RNF13: variants seen among roughly 807,000 people sequenced by gnomAD.
The protein encoded by RNF13 is ring finger protein 13.
RNF13 carries 19 observed loss-of-function variants against 37.7 expected under a neutral mutation model. That is an observed-to-expected ratio of 0.50 (90% CI 0.35 to 0.74). The LOEUF is 0.74. RNF13 is among the 30% of genes least tolerant of loss of function. The pLI is 0.01. For missense variants in RNF13, 375 were observed against 453.0 expected, an observed-to-expected ratio of 0.83 and a Z score of 1.56; for synonymous variants, 144 against 157.8, an observed-to-expected ratio of 0.91 and a Z score of 0.65.
At chr3:149,934,043 TGTTTCA>T (rs1719442678) in intron 8 of RNF13, among the ~76,000 whole-genome samples, 1 of 152,224 alleles carries the variant, frequency 6.6e-6, no homozygotes, top group African/African-American at 2.4e-5. Context: ...TTTTAATTAC[TGTTTCA>T]GTTTCATTAC....
intron 8 of RNF13, among the ~76,000 whole-genome samples, chr3:149,927,556 C>T (rs958215238): frequency 3.3e-5 from 5 of 152,218 alleles, no homozygotes; most frequent in African/African-American, 1.2e-4. Flanking sequence ...TCCACAGTTA[C>T]TGTACCATTT....
At chr3:149,852,201 G>A (rs1216889240) in intron 2 of RNF13, among the ~76,000 whole-genome samples, 1 of 152,104 alleles carries the variant, frequency 6.6e-6, no homozygotes, top group Non-Finnish European at 1.5e-5. Context: ...ACTCCTCCTG[G>A]AAGATGATCT....
chr3:149,954,294 A>G (rs554856013), intron 8 of RNF13, among the ~76,000 whole-genome samples: 1 of 152,254 alleles, frequency 6.6e-6, no homozygotes, highest in East Asian at 1.9e-4. Flanking sequence ...GGTACTTTTC[A>G]TACCAGTGAT....
chr3:149,910,207 C>T (rs992585230), intron 6 of RNF13, among the ~76,000 whole-genome samples: 2 of 152,098 alleles, frequency 1.3e-5, no homozygotes, highest in Non-Finnish European at 2.9e-5. Context: ...ATATTAATTG[C>T]GGAGCTGGCT....
chr3:149,930,838 T>G (rs552934600), intron 8 of RNF13, among the ~76,000 whole-genome samples: 40 of 152,336 alleles, frequency 2.6e-4, no homozygotes, highest in Middle Eastern at 6.8e-3. Flanking sequence ...TTACCAGATT[T>G]GTAGGCATAG....
chr3:149,926,032 C>G (rs1250541202), intron 8 of RNF13, among the ~76,000 whole-genome samples: 1 of 152,110 alleles, frequency 6.6e-6, no homozygotes. Flanking sequence ...GATATATGCC[C>G]GTGTGTCTGT....
At chr3:149,892,596 T>C (rs1714832327) in intron 4 of RNF13, among the ~76,000 whole-genome samples, 1 of 152,140 alleles carries the variant, frequency 6.6e-6, no homozygotes, top group East Asian at 1.9e-4. Context: ...CCGGCAAGCA[T>C]TACTGCCTGA....
intron 3 of RNF13, among the ~76,000 whole-genome samples, chr3:149,860,905 A>G (rs2108414061): frequency 6.6e-6 from 1 of 152,314 alleles, no homozygotes; most frequent in East Asian, 1.9e-4. Flanking sequence ...GAATTTGAAC[A>G]TCTCAGCAGC....
chr3:149,905,958 C>T (rs144197816), intron 6 of RNF13, among the ~76,000 whole-genome samples: 166 of 152,204 alleles, frequency 1.1e-3, no homozygotes, highest in African/African-American at 4.0e-3. Flanking sequence ...AAGTAGAAAC[C>T]CCGTACACAT....
intron 4 of RNF13, among the ~76,000 whole-genome samples, chr3:149,891,556 G>A (rs1714697361): frequency 6.6e-6 from 1 of 152,258 alleles, no homozygotes; most frequent in Admixed American, 6.5e-5. Flanking sequence ...GGTGCCACCT[G>A]GTCTATGTAA....
At chr3:149,931,798 TCTAA>T (rs1313373927) in intron 8 of RNF13, among the ~76,000 whole-genome samples, 1 of 152,174 alleles carries the variant, frequency 6.6e-6, no homozygotes, top group Non-Finnish European at 1.5e-5. Context: ...ACTTATTCCT[TCTAA>T]CTGTTTTTGT....
At chr3:149,921,995 A>T (rs541906320) in intron 8 of RNF13, among the ~76,000 whole-genome samples, 1 of 151,430 alleles carries the variant, frequency 6.6e-6, no homozygotes, top group Non-Finnish European at 1.5e-5. Flanking sequence ...TTCTTTTGAG[A>T]CGGAGTCTCA....
Position 149,961,924 on chromosome 3 carries a change from T to C in RNF13, c.*820T>C, listed in dbSNP as rs1345693720. ...CTGCTAAACTATGTACAGAGGAAAC[T>C]GTTCAAGTATTGGATTTGAAAGTAA... On this transcript the variant is annotated 3_prime_UTR_variant, in exon 10 of 10. Transcript: ENST00000392894. The C allele has an allele frequency of 2.0e-5, 3 of 152,696 alleles. No homozygotes were observed. The highest frequency in any genetic ancestry group is 4.4e-5 in the Non-Finnish European group (3 of 68,058). The allele number at this position is 152,696 out of a possible 1,614,324, so 9.5% of individuals were successfully genotyped here. A position where few individuals can be genotyped will look rare whatever the true frequency, so the allele number is the denominator to read the frequency against.
At chr3:149,957,249 T>C (rs1221754323) in intron 8 of RNF13, among the ~76,000 whole-genome samples, 1 of 152,228 alleles carries the variant, frequency 6.6e-6, no homozygotes, top group Non-Finnish European at 1.5e-5. Flanking sequence ...AAGCATTTTC[T>C]ACCATTTTTA....
At chr3:149,821,781 A>ATTTT (rs1720017982) in intron 1 of RNF13, among the ~76,000 whole-genome samples, 1 of 152,070 alleles carries the variant, frequency 6.6e-6, no homozygotes, top group Admixed American at 6.6e-5. Flanking sequence ...AGAGTTTTAT[A>ATTTT]ATTTTACTCC....
intron 6 of RNF13, among the ~76,000 whole-genome samples, chr3:149,909,216 G>A (rs1248293561): frequency 6.6e-6 from 1 of 151,304 alleles, no homozygotes; most frequent in Non-Finnish European, 1.5e-5. Flanking sequence ...TTAGCAATTT[G>A]GTTAAGAAAA....
chr3:149,951,628 G>A (rs115729567), intron 8 of RNF13, among the ~76,000 whole-genome samples: 2,652 of 152,126 alleles, frequency 0.017, 30 homozygotes, highest in Middle Eastern at 0.034. Flanking sequence ...GTACCAAATG[G>A]GTTATTTAGA....
intron 1 of RNF13, chr3:149,814,376 T>A (rs1204111420): frequency 1.3e-5 from 2 of 152,212 alleles, no homozygotes; most frequent in Non-Finnish European, 2.9e-5. Flanking sequence ...AGTTTTTTAA[T>A]GGGTGGACAT....
At chr3:149,955,983 T>A (rs1240518146) in intron 8 of RNF13, among the ~76,000 whole-genome samples, 2 of 152,110 alleles carry the variant, frequency 1.3e-5, no homozygotes, top group Non-Finnish European at 2.9e-5. Context: ...CAAATTCAGG[T>A]CCCCATCTAA....
Sources: allele counts gnomAD v4.1 joint callset (sites outside exome capture counted in the v4.1 genomes callset), GRCh38; gene constraint gnomAD v4.1.1; transcripts MANE v1.5; gene names NCBI Gene and HGNC (gene_info 2026-07-23, HGNC 2026-07-21).